Variants in MDGA2 observed in about 807,000 individuals in gnomAD.
MDGA2 encodes the protein MAM domain-containing glycosylphosphatidylinositol anchor protein 2.
MDGA2 carries 40 observed loss-of-function variants against 117.8 expected under a neutral mutation model. That is an observed-to-expected ratio of 0.34 (90% CI 0.26 to 0.44). The LOEUF (loss-of-function observed/expected upper bound fraction) is 0.44. MDGA2 is among the 20% of genes least tolerant of loss of function. The probability of loss-of-function intolerance (pLI) is 1.00; values close to 1 mark genes in which losing one functional copy is unlikely to be tolerated. For missense variants in MDGA2, 1,123 were observed against 1,250.6 expected (o/e 0.90, Z 1.54); for synonymous variants, 452 against 439.0 (o/e 1.03, Z -0.37).
chr14:47,318,498 G>A (rs902623929), intron 1 of MDGA2, among the ~76,000 whole-genome samples: 12 of 152,014 alleles, frequency 7.9e-5, no homozygotes, highest in Admixed American at 1.3e-4. Context: ...TCATTTATGG[G>A]TACTCAGAGC....
intron 10 of MDGA2, among the ~76,000 whole-genome samples, chr14:46,885,317 A>C (rs939299728): frequency 2.6e-5 from 4 of 152,186 alleles, no homozygotes; most frequent in Non-Finnish European, 4.4e-5. Flanking sequence ...GGTTTGAAGA[A>C]GATATTATAC....
At chr14:47,040,491 G>A (rs574517288) in intron 7 of MDGA2, among the ~76,000 whole-genome samples, 2 of 152,198 alleles carry the variant, frequency 1.3e-5, no homozygotes, top group South Asian at 2.1e-4. Context: ...TAACACAAAT[G>A]TATCACTCTG....
chr14:47,061,389 G>T lies in MDGA2; in HGVS notation c.1385C>A (p.Pro462His). ...SERMVITQTD[P>H]DVSPGTTNLD... ...GTTTGTTGTTCCCGGAGAGACATCA[G>T]GATCAGTCTGTGTAATGACCATCCG... The change falls in exon 7 of 17, where the codon CCT becomes CAT. Residue 462 changes from proline to histidine, a missense_variant. Around this residue, in one of 2 missense-constraint regions of MDGA2, gnomAD observed 890 missense variants for 1,050.3 expected, o/e 0.85. Transcript: ENST00000399232. 1 of 1,613,620 alleles carries T rather than the reference G, an allele frequency of 6.2e-7. No homozygotes were observed. The highest frequency in any genetic ancestry group is 8.5e-7 in the Non-Finnish European group (1 of 1,179,674).
chr14:46,918,037 A>G (rs1468714035), intron 10 of MDGA2, among the ~76,000 whole-genome samples: 2 of 152,194 alleles, frequency 1.3e-5, no homozygotes, highest in African/African-American at 2.4e-5. Flanking sequence ...AAGGAAGAAG[A>G]TGATGAGAAG....
intron 1 of MDGA2, among the ~76,000 whole-genome samples, chr14:47,442,389 G>A (rs1893031358): frequency 6.6e-6 from 1 of 152,058 alleles, no homozygotes. Flanking sequence ...AGTGTTTCCA[G>A]CAGAGGGAGA....
At chr14:47,354,978 T>C (rs1594813506) in intron 1 of MDGA2, among the ~76,000 whole-genome samples, 1 of 152,242 alleles carries the variant, frequency 6.6e-6, no homozygotes, top group East Asian at 1.9e-4. Context: ...GGGAAAATTT[T>C]AACTTAGGAG....
intron 4 of MDGA2, among the ~76,000 whole-genome samples, chr14:47,132,753 C>T (rs1882266005): frequency 6.6e-6 from 1 of 151,748 alleles, no homozygotes; most frequent in Non-Finnish European, 1.5e-5. Context: ...AACAGTGTCT[C>T]AATGATTTTA....
chr14:47,534,195 G>A (rs892439929), intron 1 of MDGA2, among the ~76,000 whole-genome samples: 1 of 152,070 alleles, frequency 6.6e-6, no homozygotes, highest in Non-Finnish European at 1.5e-5. Context: ...TCTATTACTC[G>A]GGTTGATTTA....
chr14:47,441,987 G>T (rs1451151277), intron 1 of MDGA2, among the ~76,000 whole-genome samples: 1 of 151,824 alleles, frequency 6.6e-6, no homozygotes, highest in Non-Finnish European at 1.5e-5. Context: ...TTGATTTAAG[G>T]TTCTATTTAG....
chr14:47,420,057 C>T (rs867947256), intron 1 of MDGA2, among the ~76,000 whole-genome samples: 3 of 152,006 alleles, frequency 2.0e-5, no homozygotes, highest in Non-Finnish European at 4.4e-5. Flanking sequence ...GTAAATTATG[C>T]CAGTGTGGGG....
intron 2 of MDGA2, among the ~76,000 whole-genome samples, chr14:47,246,516 G>A (rs1016481034): frequency 6.6e-6 from 1 of 151,650 alleles, no homozygotes; most frequent in African/African-American, 2.4e-5. Context: ...TGAATTGTTA[G>A]AAGAGACTAC....
At chr14:47,226,826 G>A (rs1415321325) in intron 2 of MDGA2, among the ~76,000 whole-genome samples, 1 of 152,078 alleles carries the variant, frequency 6.6e-6, no homozygotes, top group East Asian at 1.9e-4. Context: ...AAGCTTAGAA[G>A]GTAAGAAAAA....
chr14:47,467,532 T>C (rs769520146), intron 1 of MDGA2, among the ~76,000 whole-genome samples: 48 of 152,064 alleles, frequency 3.2e-4, no homozygotes, highest in Admixed American at 2.0e-4. Context: ...TTTTGATAGC[T>C]TGTCATAATT....
At chr14:47,190,816 A>G (rs1885080471) in intron 3 of MDGA2, among the ~76,000 whole-genome samples, 1 of 152,196 alleles carries the variant, frequency 6.6e-6, no homozygotes, top group Non-Finnish European at 1.5e-5. Flanking sequence ...ATAGTTGAAT[A>G]CAGCTATAAC....
Position 47,183,139 on chromosome 14 carries a change from T to G in MDGA2, c.595+34882A>C, listed in dbSNP as rs370924581. On this transcript the variant is annotated intron_variant, in intron 3 of 16. Coordinates refer to ENST00000399232, the MANE Select transcript of MDGA2 (RefSeq NM_001113498.3). The stretch of plus-strand genomic sequence containing the variant: ...CTTCCTCTGCATATGGGCTCATCCC[T>G]GTTTTTCCAGGGAACTGTATCATCA... Among the ~76,000 whole-genome samples the G allele has an allele frequency of 1.4e-4, 21 of 152,294 alleles. No homozygotes were observed. The East Asian group carries it at 3.5e-3, about 25-fold the overall frequency.
chr14:47,255,586 T>C (rs1219357485), intron 2 of MDGA2, among the ~76,000 whole-genome samples: 2 of 152,210 alleles, frequency 1.3e-5, no homozygotes, highest in Non-Finnish European at 2.9e-5. Context: ...CTCTTTTTAA[T>C]CCTCATTTTC....
chr14:47,038,211 C>T (rs867705071), intron 7 of MDGA2, among the ~76,000 whole-genome samples: 3 of 152,124 alleles, frequency 2.0e-5, no homozygotes, highest in South Asian at 4.1e-4. Context: ...AGATTACAAG[C>T]GTGAGCCACC....
intron 1 of MDGA2, among the ~76,000 whole-genome samples, chr14:47,588,644 T>G (rs576483021): frequency 1.3e-5 from 2 of 151,926 alleles, no homozygotes; most frequent in Admixed American, 1.3e-4. Context: ...CATCAGATAA[T>G]GATTTTCAAA....
chr14:47,165,088 C>G (rs1416701163), intron 3 of MDGA2, among the ~76,000 whole-genome samples: 20 of 152,002 alleles, frequency 1.3e-4, no homozygotes, highest in Non-Finnish European at 2.9e-4. Context: ...ACATCACACA[C>G]CGGGGCCTGT....
Sources: gnomAD v4.1 joint callset for allele counts (sites outside exome capture counted in the v4.1 genomes callset) on GRCh38, gnomAD v4.1.1 for gene constraint, gnomAD v4.1.1 regional missense constraint, MANE v1.5 for transcripts, NCBI Gene and HGNC (gene_info 2026-07-23, HGNC 2026-07-21) for gene names.